The following GLIS3 variants were observed in gnomAD, a reference collection of about 807,000 sequenced individuals.
GLIS3 encodes the protein GLIS family zinc finger 3.
Under a neutral mutation model 78.6 loss-of-function variants are expected in GLIS3, and 53 were observed. That is an observed-to-expected ratio of 0.67 (90% CI 0.54 to 0.85). The LOEUF (loss-of-function observed/expected upper bound fraction) is 0.85, where lower values mean the gene tolerates loss of function less well. GLIS3 is among the 40% of genes least tolerant of loss of function. The pLI is 0.00. For synonymous variants in GLIS3, 684 were observed against 509.9 expected, an observed-to-expected ratio of 1.34 and a Z score of -4.60; for missense variants, 1,703 against 1,231.1, an observed-to-expected ratio of 1.38 and a Z score of -5.74.
intron 6 of GLIS3, chr9:3,901,254 C>T: frequency 5.4e-6 from 1 of 183,834 alleles, no homozygotes; most frequent in Non-Finnish European, 1.1e-5. Context: ...TCACACTTAG[C>T]CTGTCTGGGT....
At chr9:4,369,351 C>T in the GLIS3 span, among the ~76,000 whole-genome samples, 1 of 152,188 alleles carries the variant, frequency 6.6e-6, no homozygotes, top group South Asian at 2.1e-4. Flanking sequence ...TTTAACCTGC[C>T]TGATTCTCTC....
At chr9:4,404,190 G>A in the GLIS3 span, among the ~76,000 whole-genome samples, 1 of 152,158 alleles carries the variant, frequency 6.6e-6, no homozygotes, top group Non-Finnish European at 1.5e-5. Flanking sequence ...AAATATATAT[G>A]CACCCAACGC....
At chr9:4,337,434 C>T (rs901936744) in intron 2 of GLIS3, among the ~76,000 whole-genome samples, 1 of 152,122 alleles carries the variant, frequency 6.6e-6, no homozygotes, top group Non-Finnish European at 1.5e-5. Context: ...AATAAAGATA[C>T]AAAATCGTAC....
intron 4 of GLIS3, among the ~76,000 whole-genome samples, chr9:4,049,664 T>G (rs1193372950): frequency 6.6e-6 from 1 of 152,092 alleles, no homozygotes; most frequent in African/African-American, 2.4e-5. Flanking sequence ...ACAGGCAACC[T>G]ACAGAATGGG....
chr9:4,294,473 C>T (rs1434666913), intron 1 of GLIS3, among the ~76,000 whole-genome samples: 2 of 151,752 alleles, frequency 1.3e-5, no homozygotes, highest in Non-Finnish European at 2.9e-5. Context: ...CACACCATTG[C>T]TTTCCAGCCT....
the GLIS3 span, among the ~76,000 whole-genome samples, chr9:4,439,638 G>T: frequency 2.2e-3 from 335 of 152,258 alleles, 2 homozygotes; most frequent in Admixed American, 3.7e-3. Flanking sequence ...AGATCAGCTT[G>T]TTTAGATTTC....
At chr9:3,965,429 G>A (rs895782339) in intron 4 of GLIS3, among the ~76,000 whole-genome samples, 1 of 151,784 alleles carries the variant, frequency 6.6e-6, no homozygotes, top group African/African-American at 2.4e-5. Context: ...CTTGACCTCA[G>A]GTGATCTGCC....
At chr9:3,901,628 C>T (rs1385584956) in intron 6 of GLIS3, among the ~76,000 whole-genome samples, 1 of 152,158 alleles carries the variant, frequency 6.6e-6, no homozygotes, top group African/African-American at 2.4e-5. Flanking sequence ...CATAAAGAGA[C>T]AAATGCATGT....
At chr9:3,887,763 A>G (rs1197748660) in intron 7 of GLIS3, among the ~76,000 whole-genome samples, 2 of 152,218 alleles carry the variant, frequency 1.3e-5, no homozygotes, top group African/African-American at 4.8e-5. Context: ...CCTAAATACC[A>G]GGTCTAATTA....
chr9:4,255,034 C>A (rs993027033), intron 2 of GLIS3, among the ~76,000 whole-genome samples: 1 of 152,100 alleles, frequency 6.6e-6, no homozygotes, highest in African/African-American at 2.4e-5. Context: ...AAACAACCAT[C>A]CCTATTAAAA....
chr9:3,915,706 A>T (rs1048914714), intron 6 of GLIS3, among the ~76,000 whole-genome samples: 1 of 152,194 alleles, frequency 6.6e-6, no homozygotes, highest in South Asian at 2.1e-4. Context: ...AGCCCCCTGG[A>T]AAGATGCTAT....
intron 4 of GLIS3, among the ~76,000 whole-genome samples, chr9:3,987,761 C>CAAAAAA (rs60986898): frequency 5.7e-4 from 6 of 10,458 alleles, no homozygotes; most frequent in African/African-American, 1.0e-3. Context: ...CTGGATTTGG[C>CAAAAAA]AAAAAAAAAA....
intron 6 of GLIS3, among the ~76,000 whole-genome samples, chr9:3,926,523 C>T (rs1456077781): frequency 3.9e-5 from 6 of 152,048 alleles, no homozygotes; most frequent in Admixed American, 6.5e-5. Context: ...AGCCACCGCA[C>T]GCGGCCTGCA....
intron 2 of GLIS3, among the ~76,000 whole-genome samples, chr9:4,276,043 A>C (rs1402819514): frequency 6.6e-6 from 1 of 151,756 alleles, no homozygotes; most frequent in African/African-American, 2.4e-5. Flanking sequence ...AGCACTTTGG[A>C]AGGCCGAGGC....
At chr9:4,369,001 T>G in the GLIS3 span, among the ~76,000 whole-genome samples, 2 of 152,184 alleles carry the variant, frequency 1.3e-5, no homozygotes, top group Admixed American at 6.5e-5. Context: ...GATGTTTTCT[T>G]TTTTCCTGAA....
chr9:4,490,113 C>T, the GLIS3 span, among the ~76,000 whole-genome samples: 2 of 152,234 alleles, frequency 1.3e-5, no homozygotes, highest in Non-Finnish European at 2.9e-5. Flanking sequence ...GTGTGGAGAA[C>T]GGAGAGGGAG....
At chr9:3,894,495 C>T (rs895316975) in intron 7 of GLIS3, among the ~76,000 whole-genome samples, 1 of 152,124 alleles carries the variant, frequency 6.6e-6, no homozygotes, top group African/African-American at 2.4e-5. Flanking sequence ...CATAAAATTA[C>T]ATTAAAATGA....
At chr9:4,296,447 A>C (rs1353054398) in intron 1 of GLIS3, among the ~76,000 whole-genome samples, 1 of 152,162 alleles carries the variant, frequency 6.6e-6, no homozygotes, top group African/African-American at 2.4e-5. Context: ...CTCAGTAGGA[A>C]ATTCACCCAC....
upstream of GLIS3, among the ~76,000 whole-genome samples, chr9:4,300,712 C>A (rs71510211): frequency 6.6e-6 from 1 of 151,812 alleles, no homozygotes; most frequent in Admixed American, 6.6e-5. Context: ...CATACCCCAC[C>A]TAAGCTCTGA....
Sources: gnomAD v4.1 joint callset for allele counts (sites outside exome capture counted in the v4.1 genomes callset) on GRCh38, gnomAD v4.1.1 for gene constraint, MANE v1.5 for transcripts, NCBI Gene and HGNC (gene_info 2026-07-23, HGNC 2026-07-21) for gene names.